The following AUTS2 variants were observed in gnomAD, a reference collection of about 807,000 sequenced individuals.
AUTS2 encodes activator of transcription and developmental regulator AUTS2.
AUTS2 carries 17 observed loss-of-function variants against 112.4 expected under a neutral mutation model. The ratio of observed to expected loss-of-function variants is 0.15; its 90% CI spans 0.10 to 0.23. AUTS2 has a LOEUF of 0.23. AUTS2 is among the 10% of genes least tolerant of loss of function. AUTS2 has a pLI of 1.00. For missense variants in AUTS2, 1,510 were observed against 1,701.6 expected (o/e 0.89, Z 1.98); for synonymous variants, 751 against 702.7 (o/e 1.07, Z -1.09).
chr7:70,460,338 CTTTTTTTTTTTTTTTTT>C (rs10537541), intron 5 of AUTS2, among the ~76,000 whole-genome samples: 3 of 38,182 alleles, frequency 7.9e-5, no homozygotes, highest in African/African-American at 3.3e-4. Context: ...ACAGCCTGGT[CTTTTTTTTTTTTTTTTT>C]TTTTTTTTTT....
At chr7:69,837,639 A>G (rs900435964) in intron 1 of AUTS2, among the ~76,000 whole-genome samples, 4 of 152,146 alleles carry the variant, frequency 2.6e-5, no homozygotes, top group African/African-American at 7.2e-5. Flanking sequence ...GCAATTTGCT[A>G]TGTGTTCTTG....
At chr7:69,734,414 A>AT (rs1480638227) in intron 1 of AUTS2, among the ~76,000 whole-genome samples, 1 of 125,078 alleles carries the variant, frequency 8.0e-6, no homozygotes, top group Non-Finnish European at 1.7e-5. Context: ...GGGGACTTGT[A>AT]TTTTTTAAAA....
intron 1 of AUTS2, among the ~76,000 whole-genome samples, chr7:69,681,143 C>T (rs1190387598): frequency 6.6e-6 from 1 of 152,166 alleles, no homozygotes; most frequent in Admixed American, 6.5e-5. Context: ...ATTTGTTTAT[C>T]TCCTTATCCT....
At chr7:69,661,593 TC>T in intron 1 of AUTS2, among the ~76,000 whole-genome samples, 1 of 152,340 alleles carries the variant, frequency 6.6e-6, no homozygotes, top group Non-Finnish European at 1.5e-5. Context: ...CTTTTCTTTT[TC>T]TGATCTCTAA....
At chr7:70,784,574 T>G (rs192871711) in intron 15 of AUTS2, 1 of 192,480 alleles carries the variant, frequency 5.2e-6, no homozygotes, top group African/African-American at 2.4e-5. Context: ...AATCCAGTAT[T>G]TCTCCAAATT....
rs1220200947 is a variant in AUTS2, at chr7:69,671,525, C to CTGTG, written c.309+71573_309+71576dup. 3.0e-5 allele frequency among the ~76,000 whole-genome samples: 3 copies of CTGTG among 100,038 alleles called. No individual in the cohort carries two copies. In the South Asian group the frequency reaches 1.0e-3, roughly 33 times the overall value. 65.6% of individuals were successfully genotyped at this position (100,038 alleles called of 152,430 possible). On this transcript the variant is annotated intron_variant, in intron 1 of 18. Transcript: ENST00000342771. ...TGTGTGTGTGTGTGTGTGTGTGTGT[C>CTGTG]TGTGTGTGTGTGTTTTGTGTCTCTG...
rs150770150 is a variant in AUTS2 at position 70,419,891 on chromosome 7, T to C, written c.661-15861T>C. On this transcript the variant is annotated intron_variant, in intron 4 of 18. Transcript: ENST00000342771. ...TGGAACATTTTTTTCGTATGTTTATTAGCCATTTATATTTCCTCTTCCGTG... is the reference window on the plus strand; with the variant it reads ...TGGAACATTTTTTTCGTATGTTTATCAGCCATTTATATTTCCTCTTCCGTG... Among the ~76,000 whole-genome samples, 6 of 152,352 alleles carry C rather than the reference T, an allele frequency of 3.9e-5. No individual in the cohort carries two copies. The East Asian group carries it at 1.2e-3, about 29-fold the overall frequency.
intron 1 of AUTS2, among the ~76,000 whole-genome samples, chr7:69,812,359 A>G (rs1414486537): frequency 6.6e-6 from 1 of 152,188 alleles, no homozygotes; most frequent in Non-Finnish European, 1.5e-5. Context: ...GTAGGGAGTT[A>G]GATTTTCCAT....
intron 1 of AUTS2, among the ~76,000 whole-genome samples, chr7:69,637,014 C>T (rs1400859089): frequency 6.6e-6 from 1 of 152,154 alleles, no homozygotes; most frequent in African/African-American, 2.4e-5. Context: ...ATCCACCTGC[C>T]TCGGCCTCCC....
intron 6 of AUTS2, among the ~76,000 whole-genome samples, chr7:70,742,236 G>A (rs536418553): frequency 3.9e-4 from 59 of 152,264 alleles, no homozygotes; most frequent in Non-Finnish European, 6.6e-4. Context: ...TAGGAGGAAT[G>A]AAAGTACATG....
rs563843175 is a variant in AUTS2 at position 69,842,980 on chromosome 7, T to G, written c.310-56306T>G. Among the ~76,000 whole-genome samples, 110 of 152,258 alleles carry G rather than the reference T, an allele frequency of 7.2e-4. 1 individual carries two copies. Among genetic ancestry groups the G allele is most frequent in the Non-Finnish European group, 1.2e-4 (8 of 68,018 alleles). On this transcript the variant is annotated intron_variant, in intron 1 of 18. Coordinates refer to ENST00000342771, the MANE Select transcript of AUTS2 (RefSeq NM_015570.4). ...AGATGCTGGGGGCTTGAGTGTAGTA[T>G]TGCTCTGTTGTAGGCTGATAATGGA...
At chr7:69,767,803 C>T (rs368689097) in intron 1 of AUTS2, among the ~76,000 whole-genome samples, 1 of 152,218 alleles carries the variant, frequency 6.6e-6, no homozygotes, top group Non-Finnish European at 1.5e-5. Flanking sequence ...GGGGATCCCC[C>T]TCTTCATGGC....
chr7:70,216,885 C>T (rs986487777), intron 4 of AUTS2, among the ~76,000 whole-genome samples: 4 of 152,132 alleles, frequency 2.6e-5, no homozygotes, highest in Non-Finnish European at 5.9e-5. Flanking sequence ...ACAACCACTG[C>T]GAACATTGGT....
At chr7:70,157,268 C>T (rs1374109182) in intron 4 of AUTS2, among the ~76,000 whole-genome samples, 1 of 151,684 alleles carries the variant, frequency 6.6e-6, no homozygotes, top group Non-Finnish European at 1.5e-5. Context: ...TTTGTATGCT[C>T]TCTTTTTCTC....
At chr7:70,279,675 C>T (rs937443999) in intron 4 of AUTS2, among the ~76,000 whole-genome samples, 1 of 152,202 alleles carries the variant, frequency 6.6e-6, no homozygotes, top group Non-Finnish European at 1.5e-5. Context: ...GGAACTACTA[C>T]ATTTGATAGG....
intron 6 of AUTS2, among the ~76,000 whole-genome samples, chr7:70,701,020 C>A (rs1809428245): frequency 1.3e-5 from 2 of 152,236 alleles, no homozygotes; most frequent in Non-Finnish European, 2.9e-5. Context: ...GCTTATGGGA[C>A]AATCTAACCA....
chr7:70,483,425 G>T (rs1797867677), intron 5 of AUTS2, among the ~76,000 whole-genome samples: 2 of 152,134 alleles, frequency 1.3e-5, no homozygotes, highest in Admixed American at 6.5e-5. Flanking sequence ...AAATAAAAGG[G>T]ACTGCAAATG....
rs866617066 is a variant in AUTS2, at chr7:69,602,092, G to A, written c.309+2130G>A. The stretch of plus-strand genomic sequence containing the variant: ...TGTGTGTGTGTGTGTGTGTGTGTGT[G>A]TATATCTCACTTATGCAGTTCTTTT... On this transcript the variant is annotated intron_variant, in intron 1 of 18. Coordinates refer to ENST00000342771, the MANE Select transcript of AUTS2 (RefSeq NM_015570.4). Among the ~76,000 whole-genome samples the A allele has an allele frequency of 3.4e-3, 429 of 125,124 alleles. 6 individuals are homozygous for A. Among genetic ancestry groups the A allele is most frequent in the South Asian group, 3.1e-3 (12 of 3,816 alleles). 82.1% of individuals were successfully genotyped at this position (125,124 alleles called of 152,430 possible). A position where few individuals can be genotyped will look rare whatever the true frequency, so the allele number is the denominator to read the frequency against.
chr7:70,093,826 C>A (rs1400113239), intron 2 of AUTS2, among the ~76,000 whole-genome samples: 2 of 152,188 alleles, frequency 1.3e-5, no homozygotes, highest in Non-Finnish European at 2.9e-5. Flanking sequence ...GATCTAAACC[C>A]AATAACCTTT....
Sources: allele counts gnomAD v4.1 joint callset (sites outside exome capture counted in the v4.1 genomes callset), GRCh38; gene constraint gnomAD v4.1.1; transcripts MANE v1.5; gene names NCBI Gene and HGNC (gene_info 2026-07-23, HGNC 2026-07-21).